Variants in PRH1 observed in about 807,000 individuals in gnomAD.
The protein encoded by PRH1 is proline rich protein HaeIII subfamily 1.
Under a neutral mutation model 7.9 loss-of-function variants are expected in PRH1, and 7 were observed. The observed-to-expected ratio is 0.89, with a 90% CI of 0.50 to 1.67. PRH1 has a LOEUF of 1.67. PRH1 is among the 40% of genes most tolerant of loss of function. The pLI is 0.00. For missense variants in PRH1, 109 were observed against 223.6 expected, an observed-to-expected ratio of 0.49 and a Z score of 3.27; for synonymous variants, 45 against 80.8, an observed-to-expected ratio of 0.56 and a Z score of 2.38.
At chr12:10,957,851 C>T (rs118026358) in intron 2 of PRH1, among the ~76,000 whole-genome samples, 2,308 of 152,138 alleles carry the variant, frequency 0.015, 21 homozygotes, top group South Asian at 0.031. Flanking sequence ...TGATTCAAAA[C>T]CACAATGAGA....
In PRH1 at chr12:11,084,979, A is replaced by AT. The variant is rs374462076; in HGVS notation, n.124-37792dup. On this transcript the variant is annotated intron_variant and non_coding_transcript_variant, in intron 1 of 4. Transcript: ENST00000541977. ...AGGGGCCTGCCATCACACCCAGCTA[A>AT]TTTTTTTTTTCTTGGTATTTTTTGT... Among the ~76,000 whole-genome samples the AT allele has an allele frequency of 1.4e-4, 15 of 106,850 alleles. 2 individuals are homozygous for AT. The highest frequency in any genetic ancestry group is 2.9e-4 in the Admixed American group (3 of 10,486). 70.1% of individuals were successfully genotyped at this position (106,850 alleles called of 152,430 possible).
At chr12:11,103,524 C>T (rs1945318673) in intron 1 of PRH1, among the ~76,000 whole-genome samples, 2 of 146,802 alleles carry the variant, frequency 1.4e-5, no homozygotes, top group South Asian at 4.5e-4. Context: ...GAACATCACA[C>T]TCTGGGGCCT....
intron 1 of PRH1, chr12:10,997,127 C>T (rs1940299678): frequency 6.2e-7 from 1 of 1,613,848 alleles, no homozygotes; most frequent in African/African-American, 1.3e-5. Flanking sequence ...CTTAAAATTC[C>T]AAAACGATAT....
At chr12:10,925,675 A>T (rs995876660) in intron 2 of PRH1, among the ~76,000 whole-genome samples, 1 of 152,208 alleles carries the variant, frequency 6.6e-6, no homozygotes, top group South Asian at 2.1e-4. Flanking sequence ...CCTCAGGAAA[A>T]ATATATTTTT....
At chr12:10,886,418 T>G (rs1488937189), upstream of PRH1, among the ~76,000 whole-genome samples, 7 of 152,292 alleles carry the variant, frequency 4.6e-5, 1 homozygote, top group Admixed American at 1.3e-4. Context: ...GTCACTCAGC[T>G]CAGGCCTGCT....
intron 2 of PRH1, chr12:10,908,689 A>T (rs1329449088): frequency 6.2e-7 from 1 of 1,613,874 alleles, no homozygotes; most frequent in Admixed American, 1.7e-5. Context: ...TTCTGCAGGG[A>T]GAAAATTAAC....
chr12:10,976,474 G>A (rs1163484431), intron 1 of PRH1, among the ~76,000 whole-genome samples: 2 of 152,094 alleles, frequency 1.3e-5, no homozygotes, highest in African/African-American at 4.8e-5. Flanking sequence ...AAGTTAGAAA[G>A]ATCTCAAATT....
chr12:11,138,076 T>C (rs1456726967), intron 1 of PRH1, among the ~76,000 whole-genome samples: 1 of 152,180 alleles, frequency 6.6e-6, no homozygotes, highest in East Asian at 1.9e-4. Context: ...TTTGCTTTTT[T>C]TATTTTATTA....
chr12:10,990,564 T>C (rs1939885251), intron 1 of PRH1, among the ~76,000 whole-genome samples: 1 of 152,170 alleles, frequency 6.6e-6, no homozygotes, highest in Non-Finnish European at 1.5e-5. Context: ...TTGGCCTTAC[T>C]CTAATGAGAT....
chr12:11,049,821 T>C (rs1380810233), upstream of PRH1, among the ~76,000 whole-genome samples: 2 of 152,214 alleles, frequency 1.3e-5, no homozygotes, highest in Non-Finnish European at 2.9e-5. Flanking sequence ...TTTTGGAAAG[T>C]CCTGGGAGGC....
At chr12:11,018,825 T>C (rs1414388801) in intron 1 of PRH1, among the ~76,000 whole-genome samples, 2 of 152,288 alleles carry the variant, frequency 1.3e-5, no homozygotes, top group Non-Finnish European at 2.9e-5. Flanking sequence ...GGGCATACTT[T>C]TGTCTGCAAA....
At chr12:10,952,915 T>C (rs1277303812) in intron 2 of PRH1, among the ~76,000 whole-genome samples, 1 of 152,076 alleles carries the variant, frequency 6.6e-6, no homozygotes, top group Non-Finnish European at 1.5e-5. Context: ...CTTCAGAGTG[T>C]TGTGGCCAGC....
chr12:11,060,847 C>A (rs117349458), intron 1 of PRH1, among the ~76,000 whole-genome samples: 2,272 of 152,302 alleles, frequency 0.015, no homozygotes, highest in South Asian at 0.029. Flanking sequence ...CTCAAAGACA[C>A]ATCCTTATTA....
intron 2 of PRH1, among the ~76,000 whole-genome samples, chr12:10,918,978 G>A (rs1030175368): frequency 2.6e-5 from 4 of 151,690 alleles, no homozygotes; most frequent in Admixed American, 6.6e-5. Flanking sequence ...TTCCAGTCAT[G>A]CTATTAAATG....
intron 1 of PRH1, among the ~76,000 whole-genome samples, chr12:10,988,336 A>C (rs1314925180): frequency 6.6e-6 from 1 of 152,138 alleles, no homozygotes; most frequent in African/African-American, 2.4e-5. Flanking sequence ...CAGGAGCCAA[A>C]AGAAAAATAG....
intron 1 of PRH1, among the ~76,000 whole-genome samples, chr12:11,018,180 G>A (rs1941392554): frequency 1.3e-5 from 2 of 152,014 alleles, no homozygotes; most frequent in Admixed American, 1.3e-4. Flanking sequence ...GCCCGTAGGA[G>A]AGGAGAAAGC....
intron 1 of PRH1, 23 bp from the exon 2 acceptor site, chr12:10,883,119 T>C (rs757564104): frequency 2.5e-6 from 4 of 1,611,416 alleles, no homozygotes; most frequent in African/African-American, 2.7e-5. Flanking sequence ...TACAGGATGA[T>C]GGGAAAAGTT....
chr12:11,168,057 T>C (rs1181390623), intron 1 of PRH1, among the ~76,000 whole-genome samples: 1 of 151,770 alleles, frequency 6.6e-6, no homozygotes, highest in African/African-American at 2.4e-5. Context: ...TGTTTCATTG[T>C]CTAAAAGAGA....
At chr12:11,021,837 T>C in intron 1 of PRH1, 2 of 1,614,272 alleles carry the variant, frequency 1.2e-6, no homozygotes, top group Non-Finnish European at 1.7e-6. Flanking sequence ...TTGATGTGAT[T>C]ATACACAGAA....
Sources: allele counts gnomAD v4.1 joint callset (sites outside exome capture counted in the v4.1 genomes callset), GRCh38; gene constraint gnomAD v4.1.1; transcripts MANE v1.5; gene names NCBI Gene and HGNC (gene_info 2026-07-23, HGNC 2026-07-21).